ETS1: variants seen among roughly 807,000 people sequenced by gnomAD.
The protein encoded by ETS1 is protein C-ets-1.
ETS1 carries 15 observed loss-of-function variants against 58.6 expected under a neutral mutation model. The observed-to-expected ratio is 0.26, with a 90% confidence interval of 0.17 to 0.39. ETS1 has a LOEUF of 0.39. ETS1 is among the 10% of genes least tolerant of loss of function. The probability of loss-of-function intolerance (pLI) is 1.00; values close to 1 mark genes in which losing one functional copy is unlikely to be tolerated. For missense variants in ETS1, 417 were observed against 610.5 expected, an observed-to-expected ratio of 0.68 and a Z score of 3.34; for synonymous variants, 214 against 218.2, an observed-to-expected ratio of 0.98 and a Z score of 0.17.
At chr11:128,492,514 T>C (rs1438110456) in intron 3 of ETS1, among the ~76,000 whole-genome samples, 1 of 151,760 alleles carries the variant, frequency 6.6e-6, no homozygotes, top group Non-Finnish European at 1.5e-5. Context: ...GTGGTAAGTT[T>C]GGGTTGCCCT....
At chr11:128,565,571 G>C (rs12788788) in intron 2 of ETS1, among the ~76,000 whole-genome samples, 5,905 of 152,234 alleles carry the variant, frequency 0.039, 216 homozygotes, top group Non-Finnish European at 0.052. Flanking sequence ...ATTGTGGTCT[G>C]ACTCTGAAAT....
intron 3 of ETS1, chr11:128,530,059 T>C (rs1483383889): frequency 2.0e-5 from 3 of 152,220 alleles, no homozygotes; most frequent in Non-Finnish European, 2.9e-5. Flanking sequence ...TAGAATTTAC[T>C]GAGCATCAAG....
chr11:128,568,590 T>A (rs983283129), intron 2 of ETS1, among the ~76,000 whole-genome samples: 5 of 152,196 alleles, frequency 3.3e-5, no homozygotes, highest in Non-Finnish European at 5.9e-5. Context: ...ACCTCATTCA[T>A]TATGGCCTCC....
chr11:128,545,093 C>G (rs1018134767), intron 3 of ETS1, among the ~76,000 whole-genome samples: 1 of 152,120 alleles, frequency 6.6e-6, no homozygotes, highest in Non-Finnish European at 1.5e-5. Flanking sequence ...CCTCTAGACC[C>G]TAACTGAATG....
At chr11:128,534,990 G>C (rs1863952120) in intron 3 of ETS1, among the ~76,000 whole-genome samples, 1 of 152,184 alleles carries the variant, frequency 6.6e-6, no homozygotes, top group Non-Finnish European at 1.5e-5. Flanking sequence ...CTTGATCTTT[G>C]AGGAATTGCC....
intron 2 of ETS1, among the ~76,000 whole-genome samples, chr11:128,559,952 T>G (rs1157900585): frequency 1.3e-5 from 2 of 152,080 alleles, no homozygotes; most frequent in East Asian, 3.9e-4. Context: ...TGGAGATGAG[T>G]CAACAAGATG....
At chr11:128,585,328 GAAGC>G (rs762297819) in intron 1 of ETS1, among the ~76,000 whole-genome samples, 8,643 of 137,154 alleles carry the variant, frequency 0.063, 480 homozygotes, top group Middle Eastern at 0.081. Context: ...AGGAAGGAAG[GAAGC>G]AAGGAAGGAA....
chr11:128,528,515 A>G (rs1386867211), intron 3 of ETS1, among the ~76,000 whole-genome samples: 3 of 152,162 alleles, frequency 2.0e-5, no homozygotes, highest in Non-Finnish European at 2.9e-5. Flanking sequence ...CTCCTAGTAC[A>G]TATTTGAATA....
chr11:128,531,777 C>T (rs1863901813), intron 3 of ETS1, among the ~76,000 whole-genome samples: 1 of 152,162 alleles, frequency 6.6e-6, no homozygotes, highest in Non-Finnish European at 1.5e-5. Flanking sequence ...ATGATTTTTG[C>T]AACCTAAACA....
intron 3 of ETS1, among the ~76,000 whole-genome samples, chr11:128,495,644 AG>A (rs1195740010): frequency 2.0e-5 from 3 of 152,248 alleles, no homozygotes; most frequent in Admixed American, 6.5e-5. Context: ...AAGTAAACCA[AG>A]AATAAACCTT....
chr11:128,471,340 T>C (rs1365316879), intron 8 of ETS1, among the ~76,000 whole-genome samples: 17 of 152,216 alleles, frequency 1.1e-4, no homozygotes, highest in Admixed American at 1.1e-3. Flanking sequence ...AGTTACACAT[T>C]TTTAGGGTAT....
intron 3 of ETS1, among the ~76,000 whole-genome samples, chr11:128,540,225 A>G (rs887014213): frequency 2.2e-4 from 33 of 151,188 alleles, no homozygotes; most frequent in Non-Finnish European, 1.3e-4. Context: ...AGACTGGAGA[A>G]TCACTTCAAC....
intron 8 of ETS1, among the ~76,000 whole-genome samples, chr11:128,468,648 G>A (rs1000625176): frequency 1.3e-5 from 2 of 152,120 alleles, no homozygotes; most frequent in African/African-American, 4.8e-5. Context: ...AACAGAAGGA[G>A]GTCAACGCTG....
At chr11:128,580,590 C>T (rs114951001) in intron 1 of ETS1, among the ~76,000 whole-genome samples, 1 of 152,198 alleles carries the variant, frequency 6.6e-6, no homozygotes, top group Non-Finnish European at 1.5e-5. Flanking sequence ...TCTACAAGAA[C>T]CTCATTTGCT....
intron 3 of ETS1, among the ~76,000 whole-genome samples, chr11:128,545,412 T>A (rs1864118919): frequency 6.6e-6 from 1 of 152,206 alleles, no homozygotes; most frequent in Admixed American, 6.5e-5. Flanking sequence ...TGGAGGAATA[T>A]TTACATTTAA....
chr11:128,565,079 A>C (rs1178320711), intron 2 of ETS1, among the ~76,000 whole-genome samples: 4 of 137,302 alleles, frequency 2.9e-5, no homozygotes, highest in Non-Finnish European at 4.8e-5. Flanking sequence ...GTTTGTAAGG[A>C]GTTGTTATGG....
chr11:128,556,040 T>C (rs1864307131), intron 3 of ETS1, among the ~76,000 whole-genome samples: 1 of 152,200 alleles, frequency 6.6e-6, no homozygotes, highest in African/African-American at 2.4e-5. Flanking sequence ...AAATGCAGGA[T>C]AGGCAAAACT....
intron 3 of ETS1, among the ~76,000 whole-genome samples, chr11:128,538,755 TACACACACACACACACACAC>T (rs141065992): frequency 6.9e-6 from 1 of 144,864 alleles, no homozygotes; most frequent in African/African-American, 2.5e-5. Context: ...CATACACACA[TACACACACACACACACACAC>T]ACACACACAC....
At chr11:128,475,077 C>T (rs573115864) in intron 8 of ETS1, among the ~76,000 whole-genome samples, 5 of 152,362 alleles carry the variant, frequency 3.3e-5, no homozygotes, top group Admixed American at 2.0e-4. Context: ...TGTTATCTCC[C>T]CAAATTAAAA....
Sources: allele counts gnomAD v4.1 joint callset (sites outside exome capture counted in the v4.1 genomes callset), GRCh38; gene constraint gnomAD v4.1.1; transcripts MANE v1.5; gene names NCBI Gene and HGNC (gene_info 2026-07-23, HGNC 2026-07-21).